Variants in ACVR1C observed in about 807,000 individuals in gnomAD.
ACVR1C encodes activin A receptor type 1C.
Under a neutral mutation model 57.9 loss-of-function variants are expected in ACVR1C, and 23 were observed. The ratio of observed to expected loss-of-function variants is 0.40; its 90% CI spans 0.29 to 0.56. The LOEUF is 0.56. ACVR1C is among the 20% of genes least tolerant of loss of function. The pLI, the probability that ACVR1C is intolerant of heterozygous loss-of-function variation, is 0.50. For missense variants in ACVR1C, 480 were observed against 607.9 expected (o/e 0.79, Z 2.21); for synonymous variants, 214 against 215.3 (o/e 0.99, Z 0.05).
intron 1 of ACVR1C, among the ~76,000 whole-genome samples, chr2:157,620,515 G>GT (rs894444079): frequency 2.0e-5 from 3 of 151,900 alleles, no homozygotes; most frequent in Admixed American, 1.3e-4. Flanking sequence ...AAACAATCTG[G>GT]TTTTTTTAAG....
chr2:157,622,401 C>T (rs766111275), intron 1 of ACVR1C, among the ~76,000 whole-genome samples: 5 of 152,122 alleles, frequency 3.3e-5, no homozygotes, highest in Admixed American at 2.0e-4. Context: ...CAGCATGGTA[C>T]TGACATAAAA....
intron 1 of ACVR1C, among the ~76,000 whole-genome samples, chr2:157,601,707 C>T (rs1682286203): frequency 6.6e-6 from 1 of 152,200 alleles, no homozygotes; most frequent in Non-Finnish European, 1.5e-5. Flanking sequence ...AAAGATCCTG[C>T]ACTTTGGAAG....
chr2:157,577,524 G>A (rs199662923), intron 2 of ACVR1C, among the ~76,000 whole-genome samples: 1 of 151,982 alleles, frequency 6.6e-6, no homozygotes, highest in African/African-American at 2.4e-5. Context: ...TTTAAACTCT[G>A]GTAATTTTTT....
chr2:157,576,207 T>C (rs917173364), intron 2 of ACVR1C, among the ~76,000 whole-genome samples: 15 of 139,832 alleles, frequency 1.1e-4, no homozygotes, highest in African/African-American at 2.2e-4. Flanking sequence ...TCATTTCTTT[T>C]TTTTTTTTTT....
At chr2:157,624,805 T>C (rs565889909) in intron 1 of ACVR1C, among the ~76,000 whole-genome samples, 3 of 152,308 alleles carry the variant, frequency 2.0e-5, no homozygotes, top group African/African-American at 7.2e-5. Context: ...TCAGGAATGG[T>C]TTATCTCACA....
intron 8 of ACVR1C, among the ~76,000 whole-genome samples, chr2:157,536,774 T>C (rs1687497246): frequency 1.3e-5 from 2 of 152,096 alleles, no homozygotes; most frequent in African/African-American, 2.4e-5. Flanking sequence ...TGGTATAAAA[T>C]GAGGCCAATA....
At chr2:157,626,676 AC>A (rs1480894658) in intron 1 of ACVR1C, among the ~76,000 whole-genome samples, 1 of 152,248 alleles carries the variant, frequency 6.6e-6, no homozygotes, top group Non-Finnish European at 1.5e-5. Context: ...GAAAAGCAAA[AC>A]AAAACTACCT....
At chr2:157,601,145 C>G (rs1682270399) in intron 1 of ACVR1C, among the ~76,000 whole-genome samples, 1 of 151,832 alleles carries the variant, frequency 6.6e-6, no homozygotes, top group South Asian at 2.1e-4. Context: ...TGTTAAAACC[C>G]CATCTCTACT....
chr2:157,541,308 A>G, intron 6 of ACVR1C, 94 bp from the exon 7 acceptor site: 1 of 1,330,320 alleles, frequency 7.5e-7, no homozygotes, highest in Non-Finnish European at 1.0e-6. Flanking sequence ...TGCCATTTTA[A>G]AAGGCAGATT....
intron 1 of ACVR1C, among the ~76,000 whole-genome samples, chr2:157,604,786 T>C (rs2105143031): frequency 6.6e-6 from 1 of 152,020 alleles, no homozygotes; most frequent in African/African-American, 2.4e-5. Context: ...TTATATTTTT[T>C]GGATACAAGT....
In ACVR1C at chr2:157,587,207, A is replaced by C. The variant is rs773247301; in HGVS notation, c.284T>G (p.Ile95Arg). Residue 95 changes from isoleucine (I) to arginine (R), a missense_variant, in exon 2 of 9, where the codon ATA becomes AGA. Ile to Arg is a moderately conservative substitution (Grantham distance 97). Coordinates refer to ENST00000243349, the MANE Select transcript of ACVR1C (RefSeq NM_145259.3). ...ECCFTDFCNN[I>R]TLHLPTASPN... ...CTTACCTGTTGGAAGGTGCAGTGTT[A>C]TGTTGTTGCAAAAATCTGTGAAGCA... is the stretch of plus-strand genomic sequence containing the variant. The C allele has an allele frequency of 6.2e-7, 1 of 1,612,964 alleles. No individual in the cohort carries two copies. The highest frequency in any genetic ancestry group is 8.5e-7 in the Non-Finnish European group (1 of 1,178,984).
intron 1 of ACVR1C, among the ~76,000 whole-genome samples, chr2:157,618,384 A>AG (rs1204746519): frequency 6.6e-6 from 1 of 151,764 alleles, no homozygotes; most frequent in African/African-American, 2.4e-5. Flanking sequence ...TGAAGGCAAG[A>AG]GGGGGAAATG....
chr2:157,539,024 TTTTA>T (rs1687557834), intron 7 of ACVR1C, among the ~76,000 whole-genome samples: 2 of 149,868 alleles, frequency 1.3e-5, no homozygotes, highest in South Asian at 4.2e-4. Context: ...ATAAAATAAA[TTTTA>T]TTTTTCTATT....
chr2:157,612,667 C>T (rs1682559817), intron 1 of ACVR1C, among the ~76,000 whole-genome samples: 1 of 152,204 alleles, frequency 6.6e-6, no homozygotes, highest in Admixed American at 6.5e-5. Flanking sequence ...AAAGTATACA[C>T]TCTGGTTTCC....
intron 2 of ACVR1C, among the ~76,000 whole-genome samples, chr2:157,579,859 C>T (rs955390915): frequency 6.6e-6 from 1 of 152,122 alleles, no homozygotes; most frequent in African/African-American, 2.4e-5. Flanking sequence ...CTGGCTGATA[C>T]ATTTTTTTAA....
intron 2 of ACVR1C, among the ~76,000 whole-genome samples, chr2:157,557,350 G>A (rs923371542): frequency 1.3e-5 from 2 of 152,154 alleles, no homozygotes; most frequent in Non-Finnish European, 2.9e-5. Context: ...AAGTGAATAG[G>A]CCAATTAGAA....
intron 1 of ACVR1C, among the ~76,000 whole-genome samples, chr2:157,621,632 G>C (rs1313628069): frequency 6.6e-6 from 1 of 152,154 alleles, no homozygotes; most frequent in Non-Finnish European, 1.5e-5. Flanking sequence ...TGGTAGAAGA[G>C]ATCCCGCCAC....
chr2:157,584,918 T>C (rs1015592557), intron 2 of ACVR1C, among the ~76,000 whole-genome samples: 1 of 152,202 alleles, frequency 6.6e-6, no homozygotes, highest in Non-Finnish European at 1.5e-5. Flanking sequence ...AGTAAACTAC[T>C]GATAAACCCA....
chr2:157,614,094 G>A lies in ACVR1C; in HGVS notation c.73+14478C>T, dbSNP rs181155392. On this transcript the variant is annotated intron_variant, in intron 1 of 8. Coordinates refer to ENST00000243349, the MANE Select transcript of ACVR1C (RefSeq NM_145259.3). ...ATTATTTCTTGATTAGTCTTTGGAA[G>A]TTTATATCTTTCAAGGAATTTGCTC... is the stretch of plus-strand genomic sequence containing the variant. Among the ~76,000 whole-genome samples, 24 of 152,228 alleles carry A rather than the reference G, an allele frequency of 1.6e-4. No homozygotes were observed. The East Asian group carries it at 4.6e-3, about 29-fold the overall frequency.
Sources: allele counts gnomAD v4.1 joint callset (sites outside exome capture counted in the v4.1 genomes callset), GRCh38; gene constraint gnomAD v4.1.1; transcripts MANE v1.5; gene names NCBI Gene and HGNC (gene_info 2026-07-23, HGNC 2026-07-21).